SSH2: variants seen among roughly 807,000 people sequenced by gnomAD.
SSH2 encodes the protein protein phosphatase Slingshot homolog 2.
Under a neutral mutation model 135.2 loss-of-function variants are expected in SSH2, and 37 were observed. That is an observed-to-expected ratio of 0.27 (90% CI 0.21 to 0.36). The LOEUF (loss-of-function observed/expected upper bound fraction) is 0.36. Among genes scored for constraint, SSH2 ranks in the 10% least tolerant of loss-of-function variants. The pLI, the probability that SSH2 is intolerant of heterozygous loss-of-function variation, is 1.00. For synonymous variants in SSH2, 628 were observed against 646.2 expected (o/e 0.97, Z 0.43); for missense variants, 1,408 against 1,765.3 (o/e 0.80, Z 3.63).
intron 11 of SSH2, among the ~76,000 whole-genome samples, chr17:29,660,851 G>A (rs1055078131): frequency 4.0e-5 from 6 of 151,586 alleles, no homozygotes; most frequent in Non-Finnish European, 8.8e-5. Flanking sequence ...GAGGTCAGGA[G>A]TTTGAGACCA....
At chr17:29,796,803 CCTTT>C (rs1351811997) in intron 2 of SSH2, among the ~76,000 whole-genome samples, 130 of 151,168 alleles carry the variant, frequency 8.6e-4, no homozygotes, top group African/African-American at 2.9e-3. Context: ...ATAGTTTTTT[CCTTT>C]CTTTTTTTTT....
chr17:29,764,902 G>A (rs2041408417), intron 3 of SSH2, among the ~76,000 whole-genome samples: 1 of 152,206 alleles, frequency 6.6e-6, no homozygotes, highest in South Asian at 2.1e-4. Flanking sequence ...TGACCTAACT[G>A]TATTCCAGGA....
At chr17:29,877,709 A>G (rs2066059096) in intron 1 of SSH2, among the ~76,000 whole-genome samples, 3 of 152,020 alleles carry the variant, frequency 2.0e-5, no homozygotes, top group Admixed American at 6.6e-5. Flanking sequence ...AGGATGGTTA[A>G]CAGAGGCTGA....
At chr17:29,888,889 A>C (rs1312992488) in intron 1 of SSH2, among the ~76,000 whole-genome samples, 2 of 130,906 alleles carry the variant, frequency 1.5e-5, no homozygotes, top group African/African-American at 5.7e-5. Context: ...ATGATAGTGC[A>C]CCACTTCACT....
intron 1 of SSH2, among the ~76,000 whole-genome samples, chr17:29,915,987 AC>A (rs1353026711): frequency 1.6e-5 from 1 of 61,240 alleles, no homozygotes; most frequent in Non-Finnish European, 3.0e-5. Context: ...CCCTCCCCCC[AC>A]CCCACAACAT....
chr17:29,757,834 C>T (rs2041179128), intron 3 of SSH2, among the ~76,000 whole-genome samples: 1 of 151,130 alleles, frequency 6.6e-6, no homozygotes, highest in South Asian at 2.1e-4. Flanking sequence ...TGCAGTGAGC[C>T]GAGATCATGC....
At chr17:29,872,306 T>G (rs905442514) in intron 1 of SSH2, among the ~76,000 whole-genome samples, 1 of 152,200 alleles carries the variant, frequency 6.6e-6, no homozygotes, top group Non-Finnish European at 1.5e-5. Flanking sequence ...ACATGAACTC[T>G]TGGCTCCCAT....
At chr17:29,825,219 T>A (rs1473854005) in intron 2 of SSH2, among the ~76,000 whole-genome samples, 1 of 151,976 alleles carries the variant, frequency 6.6e-6, no homozygotes, top group African/African-American at 2.4e-5. Context: ...CAAGGAGAAG[T>A]AGGAGAGGAA....
rs77592018 is a variant in SSH2 at position 29,909,646 on chromosome 17, C to T, written c.63+20292G>A. ...AAGACTATCATGGAACCAGGTTGTACACACAGATTCTTAGGAATTCCCAAA... is the reference window on the plus strand; with the variant it reads ...AAGACTATCATGGAACCAGGTTGTATACACAGATTCTTAGGAATTCCCAAA... On this transcript the variant is annotated intron_variant, in intron 1 of 15. Coordinates refer to ENST00000540801, the MANE Select transcript of SSH2 (RefSeq NM_001282129.2). Among the ~76,000 whole-genome samples the T allele has an allele frequency of 4.8e-4, 73 of 152,282 alleles. 1 individual carries two copies. In the South Asian group the frequency reaches 6.2e-3, roughly 13 times the overall value.
Position 29,930,143 on chromosome 17 carries a change from C to T in SSH2, c.-143G>A, listed in dbSNP as rs2067162988. The stretch of plus-strand genomic sequence containing the variant: ...GAGGAGGAGGCCGCGGGAACGGCCG[C>T]AGACTCCGCACCCACCACCAGACTG... On this transcript the variant is annotated 5_prime_UTR_variant, in exon 1 of 16. Coordinates refer to ENST00000540801, the MANE Select transcript of SSH2 (RefSeq NM_001282129.2). The T allele has an allele frequency of 1.3e-6, 1 of 748,634 alleles. No homozygotes were observed. Among genetic ancestry groups the T allele is most frequent in the East Asian group, 2.8e-5 (1 of 36,174 alleles). The allele number at this position is 748,634 out of a possible 1,614,324, so 46.4% of individuals were successfully genotyped here.
intron 1 of SSH2, among the ~76,000 whole-genome samples, chr17:29,899,973 T>C (rs1205122649): frequency 6.6e-6 from 1 of 151,914 alleles, no homozygotes; most frequent in Non-Finnish European, 1.5e-5. Context: ...TCAGAAATAA[T>C]GCCACATATC....
At chr17:29,837,289 A>T (rs930940414) in intron 2 of SSH2, among the ~76,000 whole-genome samples, 1 of 152,040 alleles carries the variant, frequency 6.6e-6, no homozygotes, top group African/African-American at 2.4e-5. Context: ...AAGAAAATAG[A>T]CATCTTAGAT....
intron 11 of SSH2, among the ~76,000 whole-genome samples, chr17:29,664,934 G>T (rs1434296420): frequency 2.0e-5 from 3 of 152,160 alleles, no homozygotes; most frequent in African/African-American, 4.8e-5. Context: ...TGATCAGTCA[G>T]AATCTGACTG....
chr17:29,732,495 A>C (rs2040229026), intron 3 of SSH2, among the ~76,000 whole-genome samples: 1 of 152,222 alleles, frequency 6.6e-6, no homozygotes, highest in Non-Finnish European at 1.5e-5. Context: ...CTAGTGCAAA[A>C]AAATTTTACC....
At chr17:29,891,012 C>T (rs1432835679) in intron 1 of SSH2, among the ~76,000 whole-genome samples, 1 of 152,106 alleles carries the variant, frequency 6.6e-6, no homozygotes, top group Non-Finnish European at 1.5e-5. Flanking sequence ...CCTCAGCCTC[C>T]CAAAGTGCTG....
intron 3 of SSH2, among the ~76,000 whole-genome samples, chr17:29,735,762 C>T (rs1392406564): frequency 6.6e-6 from 1 of 151,394 alleles, no homozygotes; most frequent in Non-Finnish European, 1.5e-5. Context: ...CTATTAAGAC[C>T]CTCTACCTGT....
At chr17:29,785,948 G>A (rs2151295280) in intron 3 of SSH2, among the ~76,000 whole-genome samples, 1 of 152,126 alleles carries the variant, frequency 6.6e-6, no homozygotes, top group South Asian at 2.1e-4. Context: ...GGGATTACAG[G>A]CGCCCGCCAT....
At chr17:29,880,870 T>C (rs1356978381) in intron 1 of SSH2, among the ~76,000 whole-genome samples, 2 of 152,324 alleles carry the variant, frequency 1.3e-5, no homozygotes, top group East Asian at 3.9e-4. Context: ...TGCTCATGGT[T>C]ACAAAGCCAA....
At chr17:29,882,388 C>T (rs1376888588) in intron 1 of SSH2, among the ~76,000 whole-genome samples, 1 of 152,168 alleles carries the variant, frequency 6.6e-6, no homozygotes. Flanking sequence ...TGGACTTTTC[C>T]CTGCACCTCA....
Sources: gnomAD v4.1 joint callset for allele counts (sites outside exome capture counted in the v4.1 genomes callset) on GRCh38, gnomAD v4.1.1 for gene constraint, MANE v1.5 for transcripts, NCBI Gene and HGNC (gene_info 2026-07-23, HGNC 2026-07-21) for gene names.